SUSD5: variants seen among roughly 807,000 people sequenced by gnomAD.
SUSD5 encodes the protein sushi domain containing 5, also known as sushi domain-containing protein 5.
SUSD5 carries 33 observed loss-of-function variants against 29.5 expected under a neutral mutation model. That is an observed-to-expected ratio of 1.12 (90% CI 0.85 to 1.49). The LOEUF (loss-of-function observed/expected upper bound fraction) is 1.49. SUSD5 is among the 40% of genes most tolerant of loss of function. The pLI is 0.00. For missense variants in SUSD5, 776 were observed against 800.6 expected, an observed-to-expected ratio of 0.97 and a Z score of 0.37; for synonymous variants, 308 against 325.3, an observed-to-expected ratio of 0.95 and a Z score of 0.57.
chr3:33,171,282 G>A (rs968278554), intron 4 of SUSD5, among the ~76,000 whole-genome samples: 1 of 152,126 alleles, frequency 6.6e-6, no homozygotes, highest in East Asian at 1.9e-4. Context: ...GGGAGGCAGA[G>A]GTTGCGGTGA....
At chr3:33,196,634 A>C (rs1436869727) in intron 3 of SUSD5, among the ~76,000 whole-genome samples, 1 of 152,200 alleles carries the variant, frequency 6.6e-6, no homozygotes, top group Non-Finnish European at 1.5e-5. Flanking sequence ...TTTGGTAAGC[A>C]GGGCTCCCTG....
At chr3:33,176,540 C>G (rs1404925481) in intron 3 of SUSD5, among the ~76,000 whole-genome samples, 1 of 152,172 alleles carries the variant, frequency 6.6e-6, no homozygotes, top group Non-Finnish European at 1.5e-5. Context: ...AAATATTTTC[C>G]CAAGTCTGTG....
At chr3:33,161,104 A>G (rs1455695414) in intron 4 of SUSD5, among the ~76,000 whole-genome samples, 1 of 152,216 alleles carries the variant, frequency 6.6e-6, no homozygotes, top group Non-Finnish European at 1.5e-5. Context: ...GGAAGCTCAG[A>G]GATGCAGGAA....
intron 3 of SUSD5, among the ~76,000 whole-genome samples, chr3:33,181,971 C>T (rs1416127552): frequency 6.6e-6 from 1 of 152,188 alleles, no homozygotes; most frequent in Non-Finnish European, 1.5e-5. Context: ...TTCTTTTCTT[C>T]TGTTTAATTT....
chr3:33,175,518 A>AC (rs2031532172), intron 3 of SUSD5, among the ~76,000 whole-genome samples: 1 of 151,748 alleles, frequency 6.6e-6, no homozygotes, highest in South Asian at 2.1e-4. Flanking sequence ...CAACAGCAAC[A>AC]CCGTTATCAG....
At chr3:33,156,064 A>C (rs1418581244) in intron 4 of SUSD5, among the ~76,000 whole-genome samples, 2 of 149,412 alleles carry the variant, frequency 1.3e-5, no homozygotes, top group African/African-American at 5.0e-5. Flanking sequence ...TTTTTGAGAG[A>C]GAGTCTCGCT....
intron 4 of SUSD5, among the ~76,000 whole-genome samples, chr3:33,163,951 G>C (rs1431501090): frequency 1.3e-5 from 2 of 152,322 alleles, no homozygotes; most frequent in South Asian, 2.1e-4. Flanking sequence ...AGTGAGCCGA[G>C]ATCGCACCAC....
intron 3 of SUSD5, among the ~76,000 whole-genome samples, chr3:33,180,769 G>C (rs1477693366): frequency 6.6e-6 from 1 of 152,004 alleles, no homozygotes; most frequent in Non-Finnish European, 1.5e-5. Context: ...GAACCCAGGA[G>C]GCAGAGGTTG....
At chr3:33,201,525 C>G (rs2032116730) in intron 3 of SUSD5, among the ~76,000 whole-genome samples, 1 of 152,196 alleles carries the variant, frequency 6.6e-6, no homozygotes, top group Non-Finnish European at 1.5e-5. Flanking sequence ...ACTTGGCATT[C>G]GTGGAAGCTG....
rs565021552 is a variant in SUSD5, at chr3:33,169,520, C to T, written c.598+5366G>A. ...ACAGGCATGAGCCACCACGCCTGGC[C>T]GAATTTATACTTTAAATGAGTACAG... On this transcript the variant is annotated intron_variant, in intron 4 of 4. Transcript: ENST00000309558. 3.3e-4 allele frequency among the ~76,000 whole-genome samples: 50 copies of T among 152,232 alleles called. No individual in the cohort carries two copies. The South Asian group carries it at 1.0e-2, about 30-fold the overall frequency.
At chr3:33,197,998 T>C (rs1205409951) in intron 3 of SUSD5, among the ~76,000 whole-genome samples, 2 of 152,218 alleles carry the variant, frequency 1.3e-5, no homozygotes, top group East Asian at 3.8e-4. Context: ...ATTACTTGGT[T>C]GTACGCATAT....
chr3:33,195,757 AC>A (rs1288390437), intron 3 of SUSD5, among the ~76,000 whole-genome samples: 3 of 151,564 alleles, frequency 2.0e-5, no homozygotes, highest in Non-Finnish European at 4.4e-5. Flanking sequence ...AAAAAAAAAA[AC>A]AGAATGCAAT....
chr3:33,190,853 CTT>C (rs1387934878), intron 3 of SUSD5, among the ~76,000 whole-genome samples: 3 of 152,128 alleles, frequency 2.0e-5, no homozygotes, highest in Non-Finnish European at 4.4e-5. Flanking sequence ...CCTAGACAGA[CTT>C]TGTTACACCC....
intron 3 of SUSD5, among the ~76,000 whole-genome samples, chr3:33,194,356 CCT>C (rs1252785569): frequency 6.6e-6 from 1 of 152,160 alleles, no homozygotes; most frequent in East Asian, 1.9e-4. Context: ...TATTGCAATT[CCT>C]CTGTCTTAAT....
At chr3:33,188,098 T>C (rs2125625569) in intron 3 of SUSD5, among the ~76,000 whole-genome samples, 1 of 152,282 alleles carries the variant, frequency 6.6e-6, no homozygotes, top group South Asian at 2.1e-4. Context: ...AGCACATTTA[T>C]TTCACTCATT....
rs552751665 is a variant in SUSD5, at chr3:33,215,110, T to C, written c.113-1005A>G. On this transcript the variant is annotated intron_variant, in intron 1 of 4. Transcript: ENST00000309558. ...GTTATAATAAAAATACAAAAAAAAA[T>C]TTTAAATAAACACTTCCATAGGTGA... 4.7e-4 allele frequency among the ~76,000 whole-genome samples: 71 copies of C among 151,800 alleles called. 1 individual carries two copies. The highest frequency in any genetic ancestry group is 3.4e-3 in the Middle Eastern group (1 of 294).
intron 3 of SUSD5, among the ~76,000 whole-genome samples, chr3:33,206,540 G>T (rs2032223714): frequency 6.6e-6 from 1 of 151,586 alleles, no homozygotes; most frequent in South Asian, 2.1e-4. Flanking sequence ...TGCTTGACTG[G>T]ATCAATGATG....
intron 3 of SUSD5, among the ~76,000 whole-genome samples, chr3:33,187,908 G>GT (rs1030905112): frequency 8.7e-5 from 13 of 149,758 alleles, no homozygotes; most frequent in African/African-American, 1.7e-4. Flanking sequence ...GCAGTGTTTG[G>GT]TTTTTTGTCC....
intron 4 of SUSD5, among the ~76,000 whole-genome samples, chr3:33,170,904 G>A (rs1422158601): frequency 6.6e-6 from 1 of 152,186 alleles, no homozygotes; most frequent in African/African-American, 2.4e-5. Flanking sequence ...GGGCCTGAAA[G>A]GTCTCATTGA....
Sources: allele counts gnomAD v4.1 joint callset (sites outside exome capture counted in the v4.1 genomes callset), GRCh38; gene constraint gnomAD v4.1.1; transcripts MANE v1.5; gene names NCBI Gene and HGNC (gene_info 2026-07-23, HGNC 2026-07-21).